MAML2: variants seen among roughly 807,000 people sequenced by gnomAD.
The protein encoded by MAML2 is mastermind like transcriptional coactivator 2.
In MAML2, 22 loss-of-function variants were observed where a neutral mutation model predicts 96.1. The ratio of observed to expected loss-of-function variants is 0.23; its 90% CI spans 0.16 to 0.33. MAML2 has a LOEUF of 0.33. Among genes scored for constraint, MAML2 ranks in the 10% least tolerant of loss-of-function variants. The pLI is 1.00. For missense variants in MAML2, 1,367 were observed against 1,392.4 expected (o/e 0.98, Z 0.29); for synonymous variants, 561 against 521.3 (o/e 1.08, Z -1.04).
chr11:96,296,998 C>T (rs1427868841), intron 1 of MAML2, among the ~76,000 whole-genome samples: 1 of 152,152 alleles, frequency 6.6e-6, no homozygotes, highest in Non-Finnish European at 1.5e-5. Flanking sequence ...CTTTGTCAGG[C>T]TCTTCTGTAA....
Position 95,977,059 on chromosome 11 carries a change from G to A in MAML2, c.*1889C>T, listed in dbSNP as rs1366750519. ...TATTGAGGTTTCAGAATATAAATTT[G>A]TCTAACAAGCCTCTTGATAGTTTTC... On this transcript the variant is annotated 3_prime_UTR_variant, in exon 5 of 5. Transcript: ENST00000524717. The A allele has an allele frequency of 9.9e-6, 2 of 201,076 alleles. No individual in the cohort carries two copies. The highest frequency in any genetic ancestry group is 7.6e-5 in the East Asian group (1 of 13,112). The allele number at this position is 201,076 out of a possible 1,614,324, so 12.5% of individuals were successfully genotyped here.
At chr11:96,285,683 C>T (rs1780286755) in intron 1 of MAML2, among the ~76,000 whole-genome samples, 1 of 152,098 alleles carries the variant, frequency 6.6e-6, no homozygotes, top group Admixed American at 6.6e-5. Context: ...AGACACTCCT[C>T]AGATGAAGAC....
intron 2 of MAML2, among the ~76,000 whole-genome samples, chr11:96,007,537 T>G (rs968668549): frequency 2.0e-5 from 3 of 152,208 alleles, no homozygotes; most frequent in African/African-American, 7.2e-5. Flanking sequence ...ATTGTTTATT[T>G]ACATGTATGT....
At chr11:96,010,568 T>C (rs1858250723) in intron 2 of MAML2, among the ~76,000 whole-genome samples, 1 of 152,186 alleles carries the variant, frequency 6.6e-6, no homozygotes, top group Non-Finnish European at 1.5e-5. Context: ...CCTACTCAAC[T>C]TCCCTGATTA....
chr11:96,339,211 A>G (rs1863957136), intron 1 of MAML2, among the ~76,000 whole-genome samples: 1 of 152,320 alleles, frequency 6.6e-6, no homozygotes, highest in East Asian at 1.9e-4. Context: ...TGGTGGTTAG[A>G]AGAGAGAAAG....
intron 2 of MAML2, among the ~76,000 whole-genome samples, chr11:96,017,162 C>T (rs1858367087): frequency 6.6e-6 from 1 of 152,150 alleles, no homozygotes; most frequent in Non-Finnish European, 1.5e-5. Context: ...TACTATTCCT[C>T]CCATTTCATA....
chr11:96,086,165 T>G (rs1207485856), intron 2 of MAML2, among the ~76,000 whole-genome samples: 1 of 152,180 alleles, frequency 6.6e-6, no homozygotes, highest in East Asian at 1.9e-4. Context: ...GAAGGAACCA[T>G]GTTTTCCTGA....
At chr11:96,188,552 G>A (rs1757023660) in intron 1 of MAML2, among the ~76,000 whole-genome samples, 1 of 152,168 alleles carries the variant, frequency 6.6e-6, no homozygotes, top group Admixed American at 6.5e-5. Flanking sequence ...AGTACAACAG[G>A]CAGGAATGAG....
intron 2 of MAML2, among the ~76,000 whole-genome samples, chr11:96,045,541 C>A (rs555763246): frequency 2.6e-5 from 4 of 152,272 alleles, no homozygotes; most frequent in Admixed American, 6.5e-5. Context: ...TCCTTTCTTG[C>A]CATTCAAAAC....
At chr11:96,236,813 T>C (rs1397835918) in intron 1 of MAML2, among the ~76,000 whole-genome samples, 1 of 152,188 alleles carries the variant, frequency 6.6e-6, no homozygotes, top group Non-Finnish European at 1.5e-5. Flanking sequence ...TCTTAGTAAA[T>C]ATCTATGGTA....
rs768348712 is a variant in MAML2, at chr11:96,093,138, C to T, written c.893G>A (p.Gly298Glu). The T allele has an allele frequency of 2.5e-6, 4 of 1,613,966 alleles. No individual in the cohort carries two copies. In the East Asian group the frequency reaches 6.7e-5, roughly 27 times the overall value. Residue 298 changes from glycine (G) to glutamate (E), a missense_variant, in exon 2 of 5, where the codon GGA (glycine) becomes GAA (glutamate). Gly to Glu is a moderately conservative substitution (Grantham distance 98, BLOSUM62 -2). Coordinates refer to ENST00000524717, the MANE Select transcript of MAML2 (RefSeq NM_032427.4). ...CAGCTCAGGATCCATCAGTTGTTCT[C>T]CAGGGTCGTCTCCGTACCTATTAGG... is the stretch of plus-strand genomic sequence containing the variant. ...IFPNRYGDDP[G>E]EQLMDPELQE...
At chr11:96,239,577 T>C (rs1262286752) in intron 1 of MAML2, among the ~76,000 whole-genome samples, 1 of 152,164 alleles carries the variant, frequency 6.6e-6, no homozygotes, top group Admixed American at 6.5e-5. Flanking sequence ...CTTGAGTTTA[T>C]GTTTTTGAAT....
chr11:96,137,368 G>T (rs2135862208), intron 1 of MAML2, among the ~76,000 whole-genome samples: 1 of 152,284 alleles, frequency 6.6e-6, no homozygotes, highest in South Asian at 2.1e-4. Context: ...TTCTCTTACT[G>T]TCTCTTACAC....
intron 1 of MAML2, among the ~76,000 whole-genome samples, chr11:96,172,722 C>G (rs529472319): frequency 6.6e-6 from 1 of 152,160 alleles, no homozygotes; most frequent in African/African-American, 2.4e-5. Flanking sequence ...TTTCACTTGT[C>G]CTGCTACAAT....
At chr11:96,039,666 GC>G (rs1314153398) in intron 2 of MAML2, among the ~76,000 whole-genome samples, 1 of 151,222 alleles carries the variant, frequency 6.6e-6, no homozygotes, top group African/African-American at 2.4e-5. Context: ...GAGATCATCG[GC>G]CGGGCGCGGT....
chr11:96,121,780 A>ATTTTTTTT lies in MAML2; in HGVS notation c.514-28271_514-28264dup, dbSNP rs543373689. On this transcript the variant is annotated intron_variant, in intron 1 of 4. Coordinates refer to ENST00000524717, the MANE Select transcript of MAML2 (RefSeq NM_032427.4). ...TCCATTCCATATTCCCAACTGCGTG[A>ATTTTTTTT]TTTTTTTTTTTTTTTTTTTTTTTTG... 5.2e-3 allele frequency among the ~76,000 whole-genome samples: 182 copies of ATTTTTTTT among 35,230 alleles called. 55 individuals carry two copies. Among genetic ancestry groups the ATTTTTTTT allele is most frequent in the African/African-American group, 0.013 (102 of 7,910 alleles). The allele number at this position is 35,230 out of a possible 152,430, so 23.1% of individuals were successfully genotyped here.
intron 1 of MAML2, among the ~76,000 whole-genome samples, chr11:96,274,706 G>A (rs771924539): frequency 3.9e-5 from 6 of 152,132 alleles, no homozygotes; most frequent in African/African-American, 4.8e-5. Flanking sequence ...AGTTGAAACA[G>A]ATGCTGCTCA....
chr11:96,036,476 G>A (rs1050819946), intron 2 of MAML2, among the ~76,000 whole-genome samples: 1 of 152,168 alleles, frequency 6.6e-6, no homozygotes, highest in Non-Finnish European at 1.5e-5. Flanking sequence ...CCTGGAACAG[G>A]TCTGGTCACC....
At chr11:96,143,394 C>T (rs1045037583) in intron 1 of MAML2, among the ~76,000 whole-genome samples, 2 of 152,108 alleles carry the variant, frequency 1.3e-5, no homozygotes, top group African/African-American at 4.8e-5. Flanking sequence ...AATCTTTGAG[C>T]CCTCGGTCAT....
Sources: gnomAD v4.1 joint callset for allele counts (sites outside exome capture counted in the v4.1 genomes callset) on GRCh38, gnomAD v4.1.1 for gene constraint, MANE v1.5 for transcripts, NCBI Gene and HGNC (gene_info 2026-07-23, HGNC 2026-07-21) for gene names.